LRRC8C: variants seen among roughly 807,000 people sequenced by gnomAD.
The protein encoded by LRRC8C is leucine rich repeat containing 8 VRAC subunit C.
In LRRC8C, 20 loss-of-function variants were observed where a neutral mutation model predicts 55.3. The observed-to-expected ratio is 0.36, with a 90% CI of 0.25 to 0.53. LRRC8C has a LOEUF of 0.53. Ranked by LOEUF, LRRC8C falls within the 20% of genes least tolerant of loss-of-function variation. The pLI is 0.92. For synonymous variants in LRRC8C, 376 were observed against 360.7 expected (o/e 1.04, Z -0.48); for missense variants, 659 against 951.4 (o/e 0.69, Z 4.04).
rs1658719952 is a variant in LRRC8C, at chr1:89,713,648, A to G, written c.1078A>G (p.Ile360Val). The change falls in exon 3 of 3, where the codon ATT (isoleucine) becomes GTT (valine). Residue 360 changes from isoleucine to valine, a missense_variant. By Grantham distance (29) the Ile-to-Val change is conservative. Coordinates refer to ENST00000370454, the MANE Select transcript of LRRC8C (RefSeq NM_032270.5). This position sits in a 1 kb window ranked among gnomAD's most constrained non-coding sequence, Gnocchi z 5.2. ...TGAGTATGTCCGTCAGGAGACTGGA[A>G]TTGATGATATTCCAGATGTGAAAAA... is the stretch of plus-strand genomic sequence containing the variant. ...SFEYVRQETG[I>V]DDIPDVKNDF... 6.2e-7 allele frequency: 1 copy of G among 1,614,178 alleles called. No homozygotes were observed. Among genetic ancestry groups the G allele is most frequent in the Non-Finnish European group, 8.5e-7 (1 of 1,180,006 alleles).
Position 89,648,891 on chromosome 1 carries a change from A to T in LRRC8C, c.-5+15569A>T, listed in dbSNP as rs577882988. ...ACTTAGCATATATTTAAGGTTCATT[A>T]ATGTTGTGGCATATATCAATGCCCC... On this transcript the variant is annotated intron_variant, in intron 1 of 2. Coordinates refer to ENST00000370454, the MANE Select transcript of LRRC8C (RefSeq NM_032270.5). Among the ~76,000 whole-genome samples the T allele has an allele frequency of 1.1e-4, 16 of 152,302 alleles. No homozygotes were observed. The East Asian group carries it at 3.1e-3, about 29-fold the overall frequency.
chr1:89,620,369 T>C, the LRRC8C span, among the ~76,000 whole-genome samples: 1 of 152,162 alleles, frequency 6.6e-6, no homozygotes, highest in South Asian at 2.1e-4. Flanking sequence ...TGAGAAAAAC[T>C]TTATGAAGAT....
chr1:89,650,859 A>G (rs1249216392), intron 1 of LRRC8C, among the ~76,000 whole-genome samples: 1 of 152,088 alleles, frequency 6.6e-6, no homozygotes, highest in East Asian at 1.9e-4. Context: ...TCCTGTTTTA[A>G]CTCCAACCCC....
At chr1:89,636,092 T>A (rs1656274143) in intron 1 of LRRC8C, among the ~76,000 whole-genome samples, 1 of 152,198 alleles carries the variant, frequency 6.6e-6, no homozygotes, top group Non-Finnish European at 1.5e-5. Flanking sequence ...GGAGTGCAAA[T>A]GAGGTCAGAT....
intron 1 of LRRC8C, among the ~76,000 whole-genome samples, chr1:89,675,720 C>G (rs535544036): frequency 1.3e-5 from 2 of 152,196 alleles, no homozygotes; most frequent in Non-Finnish European, 2.9e-5. Flanking sequence ...AAACACACAG[C>G]CTTTTCAAGG....
Position 89,707,648 on chromosome 1 carries a change from G to A in LRRC8C, c.139-5061G>A, listed in dbSNP as rs552612612. Among the ~76,000 whole-genome samples the A allele has an allele frequency of 3.1e-3, 387 of 123,944 alleles. 2 individuals carry two copies. The highest frequency in any genetic ancestry group is 3.5e-3 in the Non-Finnish European group (221 of 62,408). 81.3% of individuals were successfully genotyped at this position (123,944 alleles called of 152,430 possible). A position where few individuals can be genotyped will look rare whatever the true frequency, so the allele number is the denominator to read the frequency against. Reference sequence around the variant, plus strand: ...AAAGGTGTGGCTGGTGTGTGTGTGTGTGAGTGTGTGTGTGTGTGTGTGTGT... The same window carrying A: ...AAAGGTGTGGCTGGTGTGTGTGTGTATGAGTGTGTGTGTGTGTGTGTGTGT... On this transcript the variant is annotated intron_variant, in intron 2 of 2. Coordinates refer to ENST00000370454, the MANE Select transcript of LRRC8C (RefSeq NM_032270.5).
At chr1:89,706,588 C>G (rs1243604176) in intron 2 of LRRC8C, among the ~76,000 whole-genome samples, 2 of 152,122 alleles carry the variant, frequency 1.3e-5, no homozygotes, top group African/African-American at 4.8e-5. Context: ...TTCACGTTGA[C>G]CATTCAAGGT....
the LRRC8C span, among the ~76,000 whole-genome samples, chr1:89,624,199 A>C: frequency 6.6e-6 from 1 of 152,324 alleles, no homozygotes; most frequent in South Asian, 2.1e-4. Flanking sequence ...TTGGAGAAAA[A>C]CATTATCTTT....
intron 2 of LRRC8C, 125 bp downstream of exon 2, chr1:89,686,736 AT>A (rs1191601391): frequency 9.3e-7 from 1 of 1,070,970 alleles, no homozygotes; most frequent in African/African-American, 1.6e-5. Flanking sequence ...CTGTGGATGT[AT>A]TTGTAATCAT....
chr1:89,704,039 A>G (rs1310414871), intron 2 of LRRC8C, among the ~76,000 whole-genome samples: 4 of 152,176 alleles, frequency 2.6e-5, no homozygotes, highest in Non-Finnish European at 5.9e-5. Context: ...TGTTAATATT[A>G]GATAGCATTT....
At chr1:89,640,782 T>C (rs1656433694) in intron 1 of LRRC8C, among the ~76,000 whole-genome samples, 1 of 152,222 alleles carries the variant, frequency 6.6e-6, no homozygotes, top group Non-Finnish European at 1.5e-5. Flanking sequence ...TCTGAGGATC[T>C]GGATGGCATA....
chr1:89,619,774 T>C, the LRRC8C span, among the ~76,000 whole-genome samples: 1 of 152,174 alleles, frequency 6.6e-6, no homozygotes, highest in African/African-American at 2.4e-5. Context: ...AAATTAATGT[T>C]TGTCACATGC....
chr1:89,618,364 G>A, the LRRC8C span, among the ~76,000 whole-genome samples: 1 of 152,208 alleles, frequency 6.6e-6, no homozygotes, highest in African/African-American at 2.4e-5. Flanking sequence ...TACAAACCAT[G>A]CAGGATTCGA....
At chr1:89,698,360 A>T (rs185919471) in intron 2 of LRRC8C, among the ~76,000 whole-genome samples, 1 of 152,248 alleles carries the variant, frequency 6.6e-6, no homozygotes, top group Admixed American at 6.5e-5. Flanking sequence ...TATTCACTTC[A>T]TATTTATTGC....
intron 1 of LRRC8C, among the ~76,000 whole-genome samples, chr1:89,652,763 A>G (rs540880545): frequency 6.8e-4 from 103 of 152,270 alleles, no homozygotes; most frequent in South Asian, 1.5e-3. Flanking sequence ...GTAAACAAAT[A>G]TACAAGTGGC....
In LRRC8C at chr1:89,717,478, C is replaced by T. The variant is rs941076390; in HGVS notation, c.*2496C>T. On this transcript the variant is annotated 3_prime_UTR_variant, in exon 3 of 3. Coordinates refer to ENST00000370454, the MANE Select transcript of LRRC8C (RefSeq NM_032270.5). ...GTTTTTTAGTGATTTTGCAGGCTGACCCCCAACCTAAGTTTTGATAACATC... is the reference window on the plus strand; with the variant it reads ...GTTTTTTAGTGATTTTGCAGGCTGATCCCCAACCTAAGTTTTGATAACATC... The T allele has an allele frequency of 2.0e-5, 3 of 152,072 alleles. No homozygotes were observed. The highest frequency in any genetic ancestry group is 1.3e-4 in the Admixed American group (2 of 15,264). The allele number at this position is 152,072 out of a possible 1,614,324, so 9.4% of individuals were successfully genotyped here.
chr1:89,623,024 T>A, the LRRC8C span, among the ~76,000 whole-genome samples: 1 of 152,126 alleles, frequency 6.6e-6, no homozygotes, highest in Non-Finnish European at 1.5e-5. Flanking sequence ...GTTTTCAGTC[T>A]CCTAAATGAG....
At chr1:89,627,117 G>A in the LRRC8C span, among the ~76,000 whole-genome samples, 2 of 151,850 alleles carry the variant, frequency 1.3e-5, no homozygotes, top group Non-Finnish European at 2.9e-5. Context: ...CATCTTATGA[G>A]TAATAAAAGA....
chr1:89,682,684 T>A (rs1657752867), intron 1 of LRRC8C, among the ~76,000 whole-genome samples: 1 of 152,212 alleles, frequency 6.6e-6, no homozygotes, highest in African/African-American at 2.4e-5. Flanking sequence ...GGTACACACT[T>A]GAAATTAAAA....
Sources: allele counts gnomAD v4.1 joint callset (sites outside exome capture counted in the v4.1 genomes callset), GRCh38; gene constraint gnomAD v4.1.1; non-coding constraint Gnocchi (gnomAD v3.1); transcripts MANE v1.5; gene names NCBI Gene and HGNC (gene_info 2026-07-23, HGNC 2026-07-21).